ASB3: variants seen among roughly 807,000 people sequenced by gnomAD.
ASB3 encodes ankyrin repeat and SOCS box containing 3.
Under a neutral mutation model 54.5 loss-of-function variants are expected in ASB3, and 41 were observed. The ratio of observed to expected loss-of-function variants is 0.75; its 90% CI spans 0.59 to 0.98. The LOEUF (loss-of-function observed/expected upper bound fraction) is 0.98, where lower values mean the gene tolerates loss of function less well. Among genes scored for constraint, ASB3 ranks in the 50% least tolerant of loss-of-function variants. The pLI, the probability that ASB3 is intolerant of heterozygous loss-of-function variation, is 0.00. For missense variants in ASB3, 733 were observed against 620.0 expected, an observed-to-expected ratio of 1.18 and a Z score of -1.94; for synonymous variants, 266 against 221.2, an observed-to-expected ratio of 1.20 and a Z score of -1.80.
chr2:53,688,211 TAAC>T (rs1668733276), intron 9 of ASB3, among the ~76,000 whole-genome samples: 1 of 152,234 alleles, frequency 6.6e-6, no homozygotes, highest in South Asian at 2.1e-4. Flanking sequence ...TATGCTATGC[TAAC>T]AAATAAACCC....
intron 7 of ASB3, among the ~76,000 whole-genome samples, chr2:53,713,866 TGG>T (rs1670239994): frequency 6.6e-6 from 1 of 152,006 alleles, no homozygotes; most frequent in South Asian, 2.1e-4. Context: ...TGAGTCAAGA[TGG>T]TGCCACTGCA....
intron 2 of ASB3, among the ~76,000 whole-genome samples, chr2:53,752,441 C>G (rs1672568243): frequency 1.3e-5 from 2 of 152,372 alleles, no homozygotes; most frequent in East Asian, 1.9e-4. Flanking sequence ...CACACATGAG[C>G]TGAAGAGGCC....
intron 9 of ASB3, among the ~76,000 whole-genome samples, chr2:53,672,218 T>A (rs953006458): frequency 1.3e-5 from 2 of 152,200 alleles, no homozygotes. Context: ...AAAACCTAAG[T>A]CTAAGCTGGG....
intron 8 of ASB3, among the ~76,000 whole-genome samples, chr2:53,699,650 C>CAA (rs56308222): frequency 0.21 from 31,641 of 151,948 alleles, 3,303 homozygotes; most frequent in Non-Finnish European, 0.22. Flanking sequence ...ATTATTAGGC[C>CAA]AAGAGTCCTC....
In ASB3 at chr2:53,728,776, G is replaced by A. The variant is rs200203302; in HGVS notation, c.540C>T (p.Ile180=). The change falls in exon 5 of 10, where the codon ATC becomes ATT. Residue 180 remains isoleucine, a synonymous_variant. Transcript: ENST00000263634. The part of the protein sequence containing the change: ...ANKECQDDFG[I]TPLFVAAQYG... ...ACTGAGCAGCCACAAATAAAGGTGT[G>A]ATTCCAAAGTCATCCTGGCATTCCT... 1 of 1,612,718 alleles carries A rather than the reference G, an allele frequency of 6.2e-7. No homozygotes were observed. Among genetic ancestry groups the A allele is most frequent in the East Asian group, 2.2e-5 (1 of 44,838 alleles).
chr2:53,748,693 T>C (rs182395451), intron 3 of ASB3, among the ~76,000 whole-genome samples: 2 of 152,212 alleles, frequency 1.3e-5, no homozygotes, highest in Admixed American at 6.5e-5. Flanking sequence ...ATCAATGACC[T>C]GAACTCTTAA....
intron 9 of ASB3, among the ~76,000 whole-genome samples, chr2:53,684,625 G>T (rs1420007173): frequency 6.6e-6 from 1 of 152,216 alleles, no homozygotes; most frequent in Non-Finnish European, 1.5e-5. Flanking sequence ...ATCCTCGGTA[G>T]TCCCACTGTC....
chr2:53,754,623 T>TA (rs1672713942), intron 2 of ASB3, among the ~76,000 whole-genome samples: 1 of 152,226 alleles, frequency 6.6e-6, no homozygotes, highest in African/African-American at 2.4e-5. Flanking sequence ...CTAGAAATAA[T>TA]ATGGGTTATA....
chr2:53,696,784 T>C lies in ASB3; in HGVS notation c.1239-2770A>G, dbSNP rs76676635. ...ACAACAACTATTTACATAGCATTTATAAGGCATTAGGTATTATAAGTAATC... is the reference window on the plus strand; with the variant it reads ...ACAACAACTATTTACATAGCATTTACAAGGCATTAGGTATTATAAGTAATC... On this transcript the variant is annotated intron_variant, in intron 8 of 9. Coordinates refer to ENST00000263634, the MANE Select transcript of ASB3 (RefSeq NM_016115.5). Among the ~76,000 whole-genome samples, 113 of 152,306 alleles carry C rather than the reference T, an allele frequency of 7.4e-4. 4 individuals are homozygous for C. The East Asian group carries it at 0.02, about 27-fold the overall frequency.
chr2:53,693,997 A>G lies in ASB3; in HGVS notation c.1256T>C (p.Ile419Thr), dbSNP rs1178063188. The G allele has an allele frequency of 1.9e-6, 3 of 1,613,460 alleles. No individual in the cohort carries two copies. The highest frequency in any genetic ancestry group is 1.1e-5 in the South Asian group (1 of 91,038). ...LCNSWIDSVS[I>T]DTLIFTLEFT... ...CTCCAAAGTGAAGATAAGGGTGTCA[A>G]TGCTGACTGAGTCAATCCTATGTTA... The change falls in exon 9 of 10, where the codon ATT (isoleucine) becomes ACT (threonine). Residue 419 changes from isoleucine (I) to threonine (T), a missense_variant. Ile to Thr is a moderately conservative substitution (Grantham distance 89, BLOSUM62 -1). Coordinates refer to ENST00000263634, the MANE Select transcript of ASB3 (RefSeq NM_016115.5).
intron 7 of ASB3, among the ~76,000 whole-genome samples, chr2:53,707,797 AC>A (rs1222285046): frequency 1.3e-5 from 2 of 151,940 alleles, no homozygotes; most frequent in Non-Finnish European, 2.9e-5. Flanking sequence ...CCCCATCTCT[AC>A]TAAAAATACA....
At chr2:53,674,853 G>C (rs1036847988) in intron 9 of ASB3, among the ~76,000 whole-genome samples, 1 of 151,956 alleles carries the variant, frequency 6.6e-6, no homozygotes, top group Admixed American at 6.6e-5. Context: ...CAAAAAGCAA[G>C]TACCTGAGAA....
intron 1 of ASB3, among the ~76,000 whole-genome samples, chr2:53,769,063 G>C (rs1673704824): frequency 1.3e-5 from 2 of 152,186 alleles, no homozygotes; most frequent in Non-Finnish European, 2.9e-5. Flanking sequence ...TGGCCTATTG[G>C]GATGTTGGAC....
chr2:53,714,587 A>C lies in ASB3; in HGVS notation c.783-6T>G. The C allele has an allele frequency of 6.2e-7, 1 of 1,612,802 alleles. No individual in the cohort carries two copies. The highest frequency in any genetic ancestry group is 8.5e-7 in the Non-Finnish European group (1 of 1,179,380). ...GTATTAACAAGTCCAAGATTCTATA[A>C]ATACACAAATTCAGGAGAATTTAGT... On this transcript the variant is annotated splice_polypyrimidine_tract_variant and splice_region_variant and intron_variant, in intron 6 of 9. Coordinates refer to ENST00000263634, the MANE Select transcript of ASB3 (RefSeq NM_016115.5).
At chr2:53,753,993 T>C (rs1362875853) in intron 2 of ASB3, among the ~76,000 whole-genome samples, 1 of 151,996 alleles carries the variant, frequency 6.6e-6, no homozygotes, top group Non-Finnish European at 1.5e-5. Context: ...AGCACTCTTA[T>C]GAAAATGGCT....
chr2:53,681,780 A>G (rs1388673614), intron 9 of ASB3, among the ~76,000 whole-genome samples: 1 of 152,142 alleles, frequency 6.6e-6, no homozygotes, highest in South Asian at 2.1e-4. Context: ...TACAATTTGA[A>G]GTAAGGTAAT....
intron 3 of ASB3, among the ~76,000 whole-genome samples, chr2:53,732,176 C>T (rs1196810753): frequency 1.3e-5 from 2 of 151,872 alleles, no homozygotes; most frequent in Non-Finnish European, 2.9e-5. Context: ...CCAAGCTGGT[C>T]TCCAACTCCT....
intron 3 of ASB3, among the ~76,000 whole-genome samples, chr2:53,730,243 T>C (rs1671226227): frequency 6.6e-6 from 1 of 152,108 alleles, no homozygotes. Context: ...CAGAATAGAA[T>C]TACAAAGTGC....
chr2:53,775,311 G>C (rs1481576885), intron 1 of ASB3: 2 of 152,104 alleles, frequency 1.3e-5, no homozygotes, highest in Non-Finnish European at 2.9e-5. Flanking sequence ...AACAGCTTTT[G>C]GAATTCTTTG....
Sources: gnomAD v4.1 joint callset for allele counts (sites outside exome capture counted in the v4.1 genomes callset) on GRCh38, gnomAD v4.1.1 for gene constraint, MANE v1.5 for transcripts, NCBI Gene and HGNC (gene_info 2026-07-23, HGNC 2026-07-21) for gene names.